NET1: variants seen among roughly 807,000 people sequenced by gnomAD.
NET1 encodes neuroepithelial cell transforming 1, also known as neuroepithelial cell-transforming gene 1 protein.
Under a neutral mutation model 61.1 loss-of-function variants are expected in NET1, and 42 were observed. The ratio of observed to expected loss-of-function variants is 0.69; its 90% CI spans 0.54 to 0.89. NET1 has a LOEUF of 0.89. Ranked by LOEUF, NET1 falls within the 40% of genes least tolerant of loss-of-function variation. The probability of loss-of-function intolerance (pLI) is 0.00; values close to 1 mark genes in which losing one functional copy is unlikely to be tolerated. For missense variants in NET1, 654 were observed against 747.3 expected, an observed-to-expected ratio of 0.88 and a Z score of 1.46; for synonymous variants, 254 against 281.8, an observed-to-expected ratio of 0.90 and a Z score of 0.99.
chr10:5,417,990 C>G lies in NET1; in HGVS notation c.128+5170C>G, dbSNP rs562129145. Among the ~76,000 whole-genome samples, 11 of 152,122 alleles carry G rather than the reference C, an allele frequency of 7.2e-5. No homozygotes were observed. Among genetic ancestry groups the G allele is most frequent in the African/African-American group, 2.7e-4 (11 of 41,502 alleles). ...TGGGATGTTAAACCAACTTTGCCTTCCTGGTATAAGTCCTGCTTGGTCATT... is the reference window on the plus strand; with the variant it reads ...TGGGATGTTAAACCAACTTTGCCTTGCTGGTATAAGTCCTGCTTGGTCATT... On this transcript the variant is annotated intron_variant, in intron 1 of 11. Transcript: ENST00000355029. This position sits in a 1 kb window ranked among gnomAD's most constrained non-coding sequence, Gnocchi z 5.5.
intron 2 of NET1, among the ~76,000 whole-genome samples, chr10:5,428,435 T>G (rs541889969): frequency 7.6e-4 from 37 of 48,968 alleles, no homozygotes; most frequent in African/African-American, 2.1e-3. Context: ...CTTTGGGCCA[T>G]GAGAAAAGGA....
chr10:5,414,874 G>T (rs1165017179), intron 1 of NET1, among the ~76,000 whole-genome samples: 1 of 152,180 alleles, frequency 6.6e-6, no homozygotes, highest in Non-Finnish European at 1.5e-5. Flanking sequence ...GTTGTGAGCA[G>T]GAATTTGAGG....
rs1832703325 is a variant in NET1 at position 5,451,516 on chromosome 10, A to AG, written c.256-314_256-313insG. ...ATAACAATAAGGCTTTTTTTTAAAA[A>AG]AAAAAAAAGTTATTCCCTGCATTAA... On this transcript the variant is annotated intron_variant, in intron 3 of 11. Coordinates refer to ENST00000355029, the MANE Select transcript of NET1 (RefSeq NM_001047160.3). The surrounding 1 kb of genome is among the most constrained non-coding windows in gnomAD (Gnocchi z 6.1). Among the ~76,000 whole-genome samples, 1 of 151,732 alleles carries AG rather than the reference A, an allele frequency of 6.6e-6. No homozygotes were observed. Among genetic ancestry groups the AG allele is most frequent in the Non-Finnish European group, 1.5e-5 (1 of 67,926 alleles).
At position 5,440,151 on chromosome 10, in the gene NET1, G is replaced by A. The variant is rs939781316; in HGVS notation, c.255+10922G>A. On this transcript the variant is annotated intron_variant, in intron 3 of 11. Transcript: ENST00000355029. The surrounding 1 kb of genome is among the most constrained non-coding windows in gnomAD (Gnocchi z 4.1). ...ATTCACCAGGTCTTTTTGGTATAAT[G>A]TTATTAATACAGTGGGCCTGTATGA... Among the ~76,000 whole-genome samples, 1 of 152,200 alleles carries A rather than the reference G, an allele frequency of 6.6e-6. No homozygotes were observed. Among genetic ancestry groups the A allele is most frequent in the African/African-American group, 2.4e-5 (1 of 41,440 alleles).
intron 3 of NET1, among the ~76,000 whole-genome samples, chr10:5,432,605 TTA>T (rs1408519316): frequency 7.8e-4 from 59 of 75,772 alleles, no homozygotes. Flanking sequence ...CTTTTTAAAT[TTA>T]TCTTATAATT....
intron 2 of NET1, among the ~76,000 whole-genome samples, 190 bp from the exon 3 acceptor site, chr10:5,428,980 C>A (rs955739944): frequency 5.3e-5 from 8 of 151,760 alleles, no homozygotes; most frequent in Non-Finnish European, 1.0e-4. Context: ...ACGATCCGCC[C>A]TCCTCAGCCT....
intron 2 of NET1, among the ~76,000 whole-genome samples, chr10:5,428,471 C>T (rs1832294857): frequency 7.0e-6 from 1 of 143,256 alleles, no homozygotes; most frequent in Non-Finnish European, 1.5e-5. Flanking sequence ...GAAGACCTTG[C>T]CCCCAAGATA....
rs1554818455 is a variant in NET1, at chr10:5,451,511, T to TTTTA, written c.256-319_256-318insTTTA. 4.7e-5 allele frequency among the ~76,000 whole-genome samples: 7 copies of TTTTA among 147,632 alleles called. No homozygotes were observed. Among genetic ancestry groups the TTTTA allele is most frequent in the Non-Finnish European group, 7.5e-5 (5 of 66,938 alleles). On this transcript the variant is annotated intron_variant, in intron 3 of 11. Coordinates refer to ENST00000355029, the MANE Select transcript of NET1 (RefSeq NM_001047160.3). This position sits in a 1 kb window ranked among gnomAD's most constrained non-coding sequence, Gnocchi z 6.1. ...TTTTCATAACAATAAGGCTTTTTTT[T>TTTTA]AAAAAAAAAAAAAGTTATTCCCTGC...
At chr10:5,438,107 A>C (rs1463733102) in intron 3 of NET1, among the ~76,000 whole-genome samples, 1 of 152,224 alleles carries the variant, frequency 6.6e-6, no homozygotes, top group Non-Finnish European at 1.5e-5. Flanking sequence ...CATTGCTGAG[A>C]GAGAAACTTA....
rs1832675722 is a variant in NET1 at position 5,449,776 on chromosome 10, T to C, written c.256-2054T>C. ...AAAAATTTATTTCCTGCTAACAAAATTTTCCTTTCATATTCACTGGGAAAA... is the reference window on the plus strand; with the variant it reads ...AAAAATTTATTTCCTGCTAACAAAACTTTCCTTTCATATTCACTGGGAAAA... On this transcript the variant is annotated intron_variant, in intron 3 of 11. Coordinates refer to ENST00000355029, the MANE Select transcript of NET1 (RefSeq NM_001047160.3). The surrounding 1 kb of genome is among the most constrained non-coding windows in gnomAD (Gnocchi z 4.4). 6.6e-6 allele frequency among the ~76,000 whole-genome samples: 1 copy of C among 152,218 alleles called. No individual in the cohort carries two copies. Among genetic ancestry groups the C allele is most frequent in the South Asian group, 2.1e-4 (1 of 4,830 alleles).
rs1439780881 is a variant in NET1 at position 5,452,673 on chromosome 10, C to T, written c.531+148C>T. The T allele has an allele frequency of 2.1e-6, 2 of 944,352 alleles. No individual in the cohort carries two copies. The highest frequency in any genetic ancestry group is 5.3e-5 in the East Asian group (2 of 38,036). 58.5% of individuals were successfully genotyped at this position (944,352 alleles called of 1,614,324 possible). A position where few individuals can be genotyped will look rare whatever the true frequency, so the allele number is the denominator to read the frequency against. ...GATGGATGGTGGTCAAATTAAACAA[C>T]TCTAATAGGGTAAACTTACCAAACA... On this transcript the variant is annotated intron_variant, in intron 5 of 11. Transcript: ENST00000355029. The surrounding 1 kb of genome is among the most constrained non-coding windows in gnomAD (Gnocchi z 4.0).
chr10:5,419,493 C>T (rs1467176835), intron 1 of NET1, among the ~76,000 whole-genome samples: 1 of 152,068 alleles, frequency 6.6e-6, no homozygotes, highest in African/African-American at 2.4e-5. Flanking sequence ...TTATTGCTTT[C>T]TTTTGCATTA....
At position 5,453,224 on chromosome 10, in the gene NET1, T is replaced by A. The variant is rs966669758; in HGVS notation, c.595-26T>A. 8 of 1,270,324 alleles carry A rather than the reference T, an allele frequency of 6.3e-6. No homozygotes were observed. The highest frequency in any genetic ancestry group is 9.2e-6 in the Non-Finnish European group (8 of 866,216). 78.7% of individuals were successfully genotyped at this position (1,270,324 alleles called of 1,614,324 possible). Reference sequence around the variant, plus strand: ...TCATGTTTTCCTCACATGATCTCTCTGTGACACATTTCTCCCCTCTGACAG... The same window carrying A: ...TCATGTTTTCCTCACATGATCTCTCAGTGACACATTTCTCCCCTCTGACAG... On this transcript the variant is annotated intron_variant, in intron 6 of 11. Transcript: ENST00000355029. The surrounding 1 kb of genome is among the most constrained non-coding windows in gnomAD (Gnocchi z 4.9).
Position 5,446,664 on chromosome 10 carries a change from C to G in NET1, c.256-5166C>G, listed in dbSNP as rs1348223090. ...ATGGGCACGTGGCTGCCGAGGGTGGCCGAGCTCTGGGAAGAAAAGCCCGTG... is the reference window on the plus strand; with the variant it reads ...ATGGGCACGTGGCTGCCGAGGGTGGGCGAGCTCTGGGAAGAAAAGCCCGTG... On this transcript the variant is annotated intron_variant, in intron 3 of 11. Transcript: ENST00000355029. This position sits in a 1 kb window ranked among gnomAD's most constrained non-coding sequence, Gnocchi z 5.0. 4 of 1,329,420 alleles carry G rather than the reference C, an allele frequency of 3.0e-6. No individual in the cohort carries two copies. The highest frequency in any genetic ancestry group is 5.4e-5 in the Admixed American group (2 of 36,752). The allele number at this position is 1,329,420 out of a possible 1,614,324, so 82.4% of individuals were successfully genotyped here.
At chr10:5,448,134 G>T (rs376326242) in intron 3 of NET1, among the ~76,000 whole-genome samples, 1 of 152,064 alleles carries the variant, frequency 6.6e-6, no homozygotes, top group Non-Finnish European at 1.5e-5. Context: ...TTTAAGAGAA[G>T]ATTATTTAAC....
intron 1 of NET1, among the ~76,000 whole-genome samples, chr10:5,413,958 A>T (rs538405509): frequency 6.6e-6 from 1 of 152,326 alleles, no homozygotes; most frequent in African/African-American, 2.4e-5. Context: ...AATGCCGTAG[A>T]TTAAAAGGAA....
In NET1 at chr10:5,417,445, C is replaced by T. The variant is rs191902232; in HGVS notation, c.128+4625C>T. Among the ~76,000 whole-genome samples, 20 of 152,182 alleles carry T rather than the reference C, an allele frequency of 1.3e-4. No individual in the cohort carries two copies. The highest frequency in any genetic ancestry group is 4.6e-4 in the African/African-American group (19 of 41,512). ...TCTCCTCTACGCAGCACTTCCCTGC[C>T]CCGCTTTGTATCACTTTATTTTCAG... is the stretch of plus-strand genomic sequence containing the variant. On this transcript the variant is annotated intron_variant, in intron 1 of 11. Transcript: ENST00000355029. This position sits in a 1 kb window ranked among gnomAD's most constrained non-coding sequence, Gnocchi z 5.5.
rs1049767578 is a variant in NET1, at chr10:5,454,027, G to C, written c.769-238G>C. ...GCACAGACTGCCAGTGTCTGAGGTT[G>C]GAGGGGAGTAGAAGTCATGAATCTT... On this transcript the variant is annotated intron_variant, in intron 8 of 11. Coordinates refer to ENST00000355029, the MANE Select transcript of NET1 (RefSeq NM_001047160.3). This position sits in a 1 kb window ranked among gnomAD's most constrained non-coding sequence, Gnocchi z 8.1. 1.3e-5 allele frequency among the ~76,000 whole-genome samples: 2 copies of C among 152,192 alleles called. No homozygotes were observed. The highest frequency in any genetic ancestry group is 2.9e-5 in the Non-Finnish European group (2 of 68,032).
intron 1 of NET1, among the ~76,000 whole-genome samples, chr10:5,418,795 T>C (rs982961874): frequency 9.9e-5 from 15 of 152,180 alleles, no homozygotes; most frequent in Non-Finnish European, 7.4e-5. Flanking sequence ...TTTCTTAATA[T>C]AGGGATACAG....
Sources: allele counts gnomAD v4.1 joint callset (sites outside exome capture counted in the v4.1 genomes callset), GRCh38; gene constraint gnomAD v4.1.1; non-coding constraint Gnocchi (gnomAD v3.1); transcripts MANE v1.5; gene names NCBI Gene and HGNC (gene_info 2026-07-23, HGNC 2026-07-21).